PARD6G: variants seen among roughly 807,000 people sequenced by gnomAD.
The protein encoded by PARD6G is par-6 family cell polarity regulator gamma.
PARD6G carries 7 observed loss-of-function variants against 10.7 expected under a neutral mutation model. The ratio of observed to expected loss-of-function variants is 0.66; its 90% CI spans 0.37 to 1.23. The LOEUF (loss-of-function observed/expected upper bound fraction) is 1.23, where lower values mean the gene tolerates loss of function less well. Among genes scored for constraint, PARD6G ranks in the 50% most tolerant of loss-of-function variants. PARD6G has a pLI of 0.02. For synonymous variants in PARD6G, 287 were observed against 269.4 expected, an observed-to-expected ratio of 1.07 and a Z score of -0.64; for missense variants, 548 against 571.8, an observed-to-expected ratio of 0.96 and a Z score of 0.42.
intron 2 of PARD6G, among the ~76,000 whole-genome samples, chr18:80,177,512 A>G (rs2052820669): frequency 1.4e-5 from 2 of 144,470 alleles, no homozygotes; most frequent in Admixed American, 7.0e-5. Context: ...GGAAGCACAC[A>G]TGCATACGTG....
intron 1 of PARD6G, among the ~76,000 whole-genome samples, chr18:80,218,668 T>C (rs1192787000): frequency 6.6e-6 from 1 of 152,176 alleles, no homozygotes; most frequent in Non-Finnish European, 1.5e-5. Flanking sequence ...TTATCACAGC[T>C]CCACTAGGCA....
chr18:80,223,311 T>C (rs1424924242), intron 1 of PARD6G, among the ~76,000 whole-genome samples: 4 of 152,182 alleles, frequency 2.6e-5, no homozygotes, highest in African/African-American at 4.8e-5. Context: ...AGGAACATCA[T>C]GAAGAAAGTG....
At chr18:80,237,912 A>G (rs530100976) in intron 1 of PARD6G, among the ~76,000 whole-genome samples, 3,596 of 151,522 alleles carry the variant, frequency 0.024, 132 homozygotes, top group African/African-American at 0.083. Flanking sequence ...CTGTAAACTA[A>G]TTCAACCATT....
chr18:80,245,729 TC>T (rs1482498485), intron 1 of PARD6G, among the ~76,000 whole-genome samples: 1 of 152,168 alleles, frequency 6.6e-6, no homozygotes, highest in African/African-American at 2.4e-5. Flanking sequence ...AGAGCTGTGT[TC>T]CCACTGAGCT....
At chr18:80,198,275 C>T (rs1391778478) in intron 2 of PARD6G, among the ~76,000 whole-genome samples, 1 of 152,128 alleles carries the variant, frequency 6.6e-6, no homozygotes, top group Non-Finnish European at 1.5e-5. Context: ...TCTGATGATG[C>T]TAGGGAACAC....
At chr18:80,177,229 C>A (rs2052816797) in intron 2 of PARD6G, among the ~76,000 whole-genome samples, 1 of 145,916 alleles carries the variant, frequency 6.9e-6, no homozygotes, top group Non-Finnish European at 1.5e-5. Context: ...CACACACACA[C>A]ACACACACAC....
intron 2 of PARD6G, among the ~76,000 whole-genome samples, chr18:80,163,397 G>A (rs1230219315): frequency 1.3e-5 from 2 of 152,168 alleles, no homozygotes; most frequent in Non-Finnish European, 2.9e-5. Context: ...TGGCCCGGGA[G>A]AGGTGACACC....
Position 80,226,445 on chromosome 18 carries a change from A to G in PARD6G, c.72+20832T>C, listed in dbSNP as rs564429845. Among the ~76,000 whole-genome samples the G allele has an allele frequency of 2.6e-4, 40 of 152,270 alleles. 1 individual carries two copies. In the South Asian group the frequency reaches 8.3e-3, roughly 32 times the overall value. On this transcript the variant is annotated intron_variant, in intron 1 of 2. Transcript: ENST00000353265. ...CTTGGCCTCCCAAAGGGCTGGGATTACAGGCTTGAGACTTAGCTTTTAATG... is the reference window on the plus strand; with the variant it reads ...CTTGGCCTCCCAAAGGGCTGGGATTGCAGGCTTGAGACTTAGCTTTTAATG...
At chr18:80,235,337 T>C (rs1967408647) in intron 1 of PARD6G, among the ~76,000 whole-genome samples, 1 of 151,946 alleles carries the variant, frequency 6.6e-6, no homozygotes, top group Non-Finnish European at 1.5e-5. Flanking sequence ...CATACCAGAA[T>C]CTCTGGGACA....
chr18:80,170,291 T>G (rs763179327), intron 2 of PARD6G: 2 of 152,302 alleles, frequency 1.3e-5, no homozygotes, highest in Non-Finnish European at 2.9e-5. Flanking sequence ...CAGAAAACTC[T>G]GTCTTCAAAC....
chr18:80,170,934 T>C (rs980085173), intron 2 of PARD6G: 4 of 152,112 alleles, frequency 2.6e-5, no homozygotes, highest in African/African-American at 9.7e-5. Flanking sequence ...GAGAGGAGGC[T>C]ATTCCTGGCC....
intron 1 of PARD6G, among the ~76,000 whole-genome samples, chr18:80,242,390 C>T (rs546940769): frequency 4.6e-5 from 7 of 152,374 alleles, no homozygotes; most frequent in Admixed American, 1.3e-4. Flanking sequence ...TCCATCCCAC[C>T]GGCTGTCGCA....
At chr18:80,177,025 GCACACA>G (rs111315126) in intron 2 of PARD6G, among the ~76,000 whole-genome samples, 5 of 137,124 alleles carry the variant, frequency 3.6e-5, no homozygotes, top group East Asian at 2.2e-4. Flanking sequence ...GCGCGCGCGT[GCACACA>G]CACACACACA....
rs981399994 is a variant in PARD6G, at chr18:80,246,874, G to T, written c.72+403C>A. On this transcript the variant is annotated intron_variant, in intron 1 of 2. Coordinates refer to ENST00000353265, the MANE Select transcript of PARD6G (RefSeq NM_032510.4). This position sits in a 1 kb window ranked among gnomAD's most constrained non-coding sequence, Gnocchi z 6.7. Reference sequence around the variant, plus strand: ...TTGGCCAGGGCCATCCCACGGCCCGGGCCCCCAGAGCCCCCCCACGGCCCC... The same window carrying T: ...TTGGCCAGGGCCATCCCACGGCCCGTGCCCCCAGAGCCCCCCCACGGCCCC... Among the ~76,000 whole-genome samples the T allele has an allele frequency of 6.6e-6, 1 of 152,082 alleles. No homozygotes were observed. Among genetic ancestry groups the T allele is most frequent in the African/African-American group, 2.4e-5 (1 of 41,426 alleles).
rs35217634 is a variant in PARD6G at position 80,177,218 on chromosome 18, GCACA to G, written c.296-16616_296-16613del. On this transcript the variant is annotated intron_variant, in intron 2 of 2. Transcript: ENST00000353265. ...ATAAATCACAGCCTAAATGGGAAGC[GCACA>G]CACACACACACACACACACACACAG... Among the ~76,000 whole-genome samples, 353 of 98,868 alleles carry G rather than the reference GCACA, an allele frequency of 3.6e-3. 3 individuals carry two copies. Among genetic ancestry groups the G allele is most frequent in the African/African-American group, 5.3e-3 (116 of 21,796 alleles). The allele number at this position is 98,868 out of a possible 152,430, so 64.9% of individuals were successfully genotyped here. A position where few individuals can be genotyped will look rare whatever the true frequency, so the allele number is the denominator to read the frequency against.
Position 80,242,689 on chromosome 18 carries a change from A to T in PARD6G, c.72+4588T>A, listed in dbSNP as rs145038501. ...ACTGATTGGAAACATTGCGAACAAG[A>T]AGCTCCCATAACTTATTAACTCCCA... On this transcript the variant is annotated intron_variant, in intron 1 of 2. Transcript: ENST00000353265. Among the ~76,000 whole-genome samples, 193 of 152,344 alleles carry T rather than the reference A, an allele frequency of 1.3e-3. 1 individual carries two copies. The highest frequency in any genetic ancestry group is 4.5e-3 in the African/African-American group (189 of 41,570).
chr18:80,210,832 C>G (rs551682408), intron 1 of PARD6G, among the ~76,000 whole-genome samples: 5 of 152,138 alleles, frequency 3.3e-5, no homozygotes, highest in Non-Finnish European at 7.3e-5. Flanking sequence ...CCTAAAACCA[C>G]GGAAAGTGGG....
At position 80,159,032 on chromosome 18, in the gene PARD6G, A is replaced by G. The variant is rs981588192; in HGVS notation, c.*739T>C. On this transcript the variant is annotated 3_prime_UTR_variant, in exon 3 of 3. Transcript: ENST00000353265. ...GAGACAGAGTCTTGCTCTGTCACCCAGGCTGGAGTGCAGTGGTGCGATCTC... is the reference window on the plus strand; with the variant it reads ...GAGACAGAGTCTTGCTCTGTCACCCGGGCTGGAGTGCAGTGGTGCGATCTC... The G allele has an allele frequency of 1.3e-5, 2 of 149,916 alleles. No homozygotes were observed. The highest frequency in any genetic ancestry group is 4.9e-5 in the African/African-American group (2 of 40,628). 9.3% of individuals were successfully genotyped at this position (149,916 alleles called of 1,614,324 possible). A position where few individuals can be genotyped will look rare whatever the true frequency, so the allele number is the denominator to read the frequency against.
Position 80,247,226 on chromosome 18 carries a change from C to A in PARD6G, c.72+51G>T. On this transcript the variant is annotated intron_variant, in intron 1 of 2. Coordinates refer to ENST00000353265, the MANE Select transcript of PARD6G (RefSeq NM_032510.4). This position sits in a 1 kb window ranked among gnomAD's most constrained non-coding sequence, Gnocchi z 4.2. The stretch of plus-strand genomic sequence containing the variant: ...GTCCCCCTCCGCGGGGCGCCCCATT[C>A]ATTAGCCAGGAGACTGGGCGCAGGG... The A allele has an allele frequency of 1.4e-6, 2 of 1,457,204 alleles. No individual in the cohort carries two copies. Among genetic ancestry groups the A allele is most frequent in the African/African-American group, 2.9e-5 (2 of 68,360 alleles). 90.3% of individuals were successfully genotyped at this position (1,457,204 alleles called of 1,614,324 possible). A position where few individuals can be genotyped will look rare whatever the true frequency, so the allele number is the denominator to read the frequency against.
Sources: allele counts gnomAD v4.1 joint callset (sites outside exome capture counted in the v4.1 genomes callset), GRCh38; gene constraint gnomAD v4.1.1; non-coding constraint Gnocchi (gnomAD v3.1); transcripts MANE v1.5; gene names NCBI Gene and HGNC (gene_info 2026-07-23, HGNC 2026-07-21).